The following IFTAP variants were observed in gnomAD, a reference collection of about 807,000 sequenced individuals.
IFTAP encodes intraflagellar transport-associated protein.
In IFTAP, 19 loss-of-function variants were observed where a neutral mutation model predicts 19.4. The ratio of observed to expected loss-of-function variants is 0.98; its 90% confidence interval spans 0.68 to 1.44. The LOEUF is 1.44. IFTAP is among the 40% of genes most tolerant of loss of function. The pLI, the probability that IFTAP is intolerant of heterozygous loss-of-function variation, is 0.00. For synonymous variants in IFTAP, 85 were observed against 83.5 expected (o/e 1.02, Z -0.10); for missense variants, 240 against 253.6 (o/e 0.95, Z 0.36).
Position 36,620,034 on chromosome 11 carries a change from C to T in IFTAP, c.136+9795C>T, listed in dbSNP as rs142332217. On this transcript the variant is annotated intron_variant, in intron 2 of 5. Coordinates refer to ENST00000334307, the MANE Select transcript of IFTAP (RefSeq NM_138787.4). ...TATAAGGACTTGCTAATAAAAGTAACTAGGCAATTAAAAAAATTAATTAAT... is the reference window on the plus strand; with the variant it reads ...TATAAGGACTTGCTAATAAAAGTAATTAGGCAATTAAAAAAATTAATTAAT... 1.7e-3 allele frequency among the ~76,000 whole-genome samples: 259 copies of T among 151,992 alleles called. 3 individuals carry two copies. The highest frequency in any genetic ancestry group is 5.9e-3 in the African/African-American group (245 of 41,480).
chr11:36,634,168 C>T (rs1051835916), intron 3 of IFTAP, among the ~76,000 whole-genome samples: 1 of 152,052 alleles, frequency 6.6e-6, no homozygotes, highest in African/African-American at 2.4e-5. Flanking sequence ...ACTTTTTTCA[C>T]TCTTTACTGG....
chr11:36,619,586 CT>C (rs34628067), intron 2 of IFTAP, among the ~76,000 whole-genome samples: 24 of 152,004 alleles, frequency 1.6e-4, no homozygotes, highest in Admixed American at 1.5e-3. Flanking sequence ...GCTGTGTAGC[CT>C]TTTGCAGTTA....
intron 3 of IFTAP, among the ~76,000 whole-genome samples, chr11:36,635,263 T>G (rs1045047896): frequency 2.0e-4 from 30 of 152,228 alleles, no homozygotes; most frequent in Non-Finnish European, 3.7e-4. Context: ...ATTCCTTTAC[T>G]AGGTCTCATT....
At chr11:36,641,194 A>G (rs925778864) in intron 4 of IFTAP, among the ~76,000 whole-genome samples, 3 of 152,300 alleles carry the variant, frequency 2.0e-5, no homozygotes, top group African/African-American at 4.8e-5. Context: ...GTTCAGCCAG[A>G]TATTATAACA....
chr11:36,609,690 T>C (rs1003813741), intron 1 of IFTAP, among the ~76,000 whole-genome samples: 3 of 152,140 alleles, frequency 2.0e-5, no homozygotes, highest in African/African-American at 4.8e-5. Flanking sequence ...CAGCACCTGG[T>C]ACACAGTAAC....
intron 4 of IFTAP, among the ~76,000 whole-genome samples, chr11:36,639,758 A>G (rs1012274108): frequency 1.2e-4 from 19 of 152,162 alleles, no homozygotes; most frequent in Admixed American, 2.6e-4. Context: ...TCCAGTACCT[A>G]CCTCCAACAT....
chr11:36,631,078 T>C, intron 2 of IFTAP, among the ~76,000 whole-genome samples: 1 of 151,638 alleles, frequency 6.6e-6, no homozygotes, highest in East Asian at 1.9e-4. Context: ...CTCATTTATC[T>C]CATCTTGTAT....
At chr11:36,620,574 A>T (rs2133410164) in intron 2 of IFTAP, among the ~76,000 whole-genome samples, 1 of 152,160 alleles carries the variant, frequency 6.6e-6, no homozygotes, top group East Asian at 1.9e-4. Context: ...AAGTTGTTAT[A>T]ATTCATATTC....
rs559735360 is a variant in IFTAP at position 36,594,543 on chromosome 11, C to G, written c.-73C>G. 2 of 269,060 alleles carry G rather than the reference C, an allele frequency of 7.4e-6. No individual in the cohort carries two copies. The highest frequency in any genetic ancestry group is 4.4e-5 in the African/African-American group (2 of 45,284). The allele number at this position is 269,060 out of a possible 1,614,324, so 16.7% of individuals were successfully genotyped here. A position where few individuals can be genotyped will look rare whatever the true frequency, so the allele number is the denominator to read the frequency against. ...GCTTTGGAAATCTGTCTTTGTTGCTCTGGGAGAGGGGACTCCTGGAATGTG... is the reference window on the plus strand; with the variant it reads ...GCTTTGGAAATCTGTCTTTGTTGCTGTGGGAGAGGGGACTCCTGGAATGTG... On this transcript the variant is annotated 5_prime_UTR_variant, in exon 1 of 6. Transcript: ENST00000334307.
intron 2 of IFTAP, among the ~76,000 whole-genome samples, chr11:36,626,869 T>C (rs865900451): frequency 6.6e-6 from 1 of 151,060 alleles, no homozygotes; most frequent in African/African-American, 2.5e-5. Context: ...CAGCATGGAA[T>C]TGGATTAGTA....
At chr11:36,620,449 A>G (rs748658095) in intron 2 of IFTAP, among the ~76,000 whole-genome samples, 12 of 152,040 alleles carry the variant, frequency 7.9e-5, no homozygotes, top group Non-Finnish European at 1.8e-4. Context: ...AAATTATGAA[A>G]CACACAAAAA....
chr11:36,656,528 C>A (rs542417291), intron 5 of IFTAP, among the ~76,000 whole-genome samples: 1 of 152,134 alleles, frequency 6.6e-6, no homozygotes, highest in Admixed American at 6.5e-5. Flanking sequence ...TGAGATCATG[C>A]CACTGCACTC....
chr11:36,634,632 A>C (rs1329686541), intron 3 of IFTAP, among the ~76,000 whole-genome samples: 1 of 152,162 alleles, frequency 6.6e-6, no homozygotes. Context: ...ATAGTGATGG[A>C]TGAAGGCCAA....
intron 2 of IFTAP, among the ~76,000 whole-genome samples, chr11:36,622,285 C>T (rs1852326890): frequency 6.6e-6 from 1 of 151,864 alleles, no homozygotes; most frequent in South Asian, 2.1e-4. Flanking sequence ...GAAGTATTTA[C>T]TTTTTAAAAA....
intron 1 of IFTAP, chr11:36,598,094 A>T (rs1329834123): frequency 6.6e-6 from 1 of 152,058 alleles, no homozygotes; most frequent in African/African-American, 2.4e-5. Context: ...TGAAGGTATC[A>T]GACCTACCTG....
chr11:36,636,220 C>A, intron 4 of IFTAP, 103 bp downstream of exon 4: 1 of 817,836 alleles, frequency 1.2e-6, no homozygotes, highest in Non-Finnish European at 2.0e-6. Context: ...ACCTCCACCT[C>A]TCCTAAGACA....
At chr11:36,619,279 G>A (rs570432857) in intron 2 of IFTAP, among the ~76,000 whole-genome samples, 1 of 152,122 alleles carries the variant, frequency 6.6e-6, no homozygotes, top group South Asian at 2.1e-4. Context: ...AATTAAAAAT[G>A]AAACCGGTGA....
chr11:36,653,961 C>T (rs1853854579), intron 5 of IFTAP, among the ~76,000 whole-genome samples: 1 of 152,128 alleles, frequency 6.6e-6, no homozygotes. Context: ...TTTGTTCATT[C>T]CCGTCAACAT....
chr11:36,648,799 G>T (rs559997953), intron 5 of IFTAP, among the ~76,000 whole-genome samples: 1 of 152,188 alleles, frequency 6.6e-6, no homozygotes, highest in Admixed American at 6.5e-5. Flanking sequence ...TAGGACTCAG[G>T]GTCCTTAATG....
Sources: allele counts gnomAD v4.1 joint callset (sites outside exome capture counted in the v4.1 genomes callset), GRCh38; gene constraint gnomAD v4.1.1; transcripts MANE v1.5; gene names NCBI Gene and HGNC (gene_info 2026-07-23, HGNC 2026-07-21).